The following RASL11B variants were observed in gnomAD, a reference collection of about 807,000 sequenced individuals.
RASL11B encodes the protein RAS like family 11 member B.
A neutral mutation model predicts 22.9 loss-of-function variants in RASL11B; 14 were observed. The observed-to-expected ratio is 0.61, with a 90% CI of 0.40 to 0.96. RASL11B has a LOEUF of 0.96. Among genes scored for constraint, RASL11B ranks in the 40% least tolerant of loss-of-function variants. The pLI is 0.00. For missense variants in RASL11B, 261 were observed against 322.0 expected (o/e 0.81, Z 1.45); for synonymous variants, 143 against 130.2 (o/e 1.10, Z -0.67).
rs371866499 is a variant in RASL11B at position 52,865,814 on chromosome 4, G to T, written c.*9G>T. On this transcript the variant is annotated 3_prime_UTR_variant, in exon 4 of 4. Coordinates refer to ENST00000248706, the MANE Select transcript of RASL11B (RefSeq NM_023940.3). ...CTGTCACCTCCGTCTGAAGCAGGAG[G>T]AGCACTCAAGGGGGTTTGGTCTTCC... The T allele has an allele frequency of 2.3e-3, 3,690 of 1,607,678 alleles. 6 individuals are homozygous for T. The highest frequency in any genetic ancestry group is 3.0e-3 in the Non-Finnish European group (3,486 of 1,175,350).
chr4:52,862,698 G>A, intron 1 of RASL11B, 49 bp downstream of exon 1: 2 of 1,490,016 alleles, frequency 1.3e-6, no homozygotes, highest in Non-Finnish European at 1.8e-6. Flanking sequence ...GACCCCTGAC[G>A]GGAGTTGAGG....
rs1718170142 is a variant in RASL11B, at chr4:52,862,342, G to C, written c.-166G>C. 1 of 682,614 alleles carries C rather than the reference G, an allele frequency of 1.5e-6. No individual in the cohort carries two copies. The highest frequency in any genetic ancestry group is 1.9e-5 in the African/African-American group (1 of 52,020). The allele number at this position is 682,614 out of a possible 1,614,324, so 42.3% of individuals were successfully genotyped here. ...AGTCTGGGTCTGGAGCCTGAGCCCTGCGGAACCTCGGCGCTCGGCCCCACC... is the reference window on the plus strand; with the variant it reads ...AGTCTGGGTCTGGAGCCTGAGCCCTCCGGAACCTCGGCGCTCGGCCCCACC... On this transcript the variant is annotated 5_prime_UTR_variant, in exon 1 of 4. Transcript: ENST00000248706.
At position 52,865,369 on chromosome 4, in the gene RASL11B, T is replaced by C. The variant is rs767767089; in HGVS notation, c.311T>C (p.Leu104Pro). 1 of 1,613,780 alleles carries C rather than the reference T, an allele frequency of 6.2e-7. No individual in the cohort carries two copies. Among genetic ancestry groups the C allele is most frequent in the Admixed American group, 1.7e-5 (1 of 60,024 alleles). Residue 104 changes from leucine (L) to proline (P), a missense_variant, in exon 4 of 4, where the codon CTG becomes CCG. By Grantham distance (98) the Leu-to-Pro change is moderately conservative. Transcript: ENST00000248706. ...AACAGCCTGAGCTGCAGTGAACAGC[T>C]GAATAGGTGCATTCGCTGGGCAGAT... is the stretch of plus-strand genomic sequence containing the variant. ...HENSLSCSEQ[L>P]NRCIRWADAV...
chr4:52,864,226 C>G (rs1384385630), intron 2 of RASL11B: 1 of 372,032 alleles, frequency 2.7e-6, no homozygotes, highest in Non-Finnish European at 4.8e-6. Flanking sequence ...AAAATGGAAA[C>G]TTTGTTTAAA....
rs1459220330 is a variant in RASL11B at position 52,862,376 on chromosome 4, A to G, written c.-132A>G. 1.7e-5 allele frequency: 8 copies of G among 461,414 alleles called. No homozygotes were observed. The highest frequency in any genetic ancestry group is 3.8e-5 in the South Asian group (1 of 26,540). The allele number at this position is 461,414 out of a possible 1,614,324, so 28.6% of individuals were successfully genotyped here. ...CGGCGCTCGGCCCCACCCCGCCCGT[A>G]CCTGCACTTATTTATTGTTGTTATT... On this transcript the variant is annotated 5_prime_UTR_variant, in exon 1 of 4. Transcript: ENST00000248706.
At chr4:52,864,388 A>G in intron 2 of RASL11B, 90 bp from the exon 3 acceptor site, 1 of 790,598 alleles carries the variant, frequency 1.3e-6, no homozygotes, top group South Asian at 1.6e-5. Flanking sequence ...GCATTTATGC[A>G]TTGTGCATTT....
chr4:52,862,916 C>T lies in RASL11B; in HGVS notation c.142+267C>T, dbSNP rs138752328. ...CCATCAGAACTTTGGGGTGTTTGAG[C>T]CTCTGGCAATGCCTGGCACAGAAAG... On this transcript the variant is annotated intron_variant, in intron 1 of 3. Transcript: ENST00000248706. Among the ~76,000 whole-genome samples, 447 of 152,304 alleles carry T rather than the reference C, an allele frequency of 2.9e-3. 1 individual carries two copies. Among genetic ancestry groups the T allele is most frequent in the Non-Finnish European group, 4.7e-3 (322 of 68,024 alleles).
In RASL11B at chr4:52,862,484, G is replaced by C. The variant is rs374622936; in HGVS notation, c.-24G>C. On this transcript the variant is annotated 5_prime_UTR_variant, in exon 1 of 4. Transcript: ENST00000248706. ...TTCTCCAGTCCCTCAGTCCCTTCCC[G>C]CGCGGTGCGCCGCAGCCGAGGCGAT... 38 of 1,597,930 alleles carry C rather than the reference G, an allele frequency of 2.4e-5. No homozygotes were observed. In the African/African-American group the frequency reaches 4.3e-4, roughly 18 times the overall value.
rs1206416406 is a variant in RASL11B at position 52,862,342 on chromosome 4, G to GCGGAACCTCGGCGCT, written c.-162_-148dup. 1 of 682,614 alleles carries GCGGAACCTCGGCGCT rather than the reference G, an allele frequency of 1.5e-6. No homozygotes were observed. Among genetic ancestry groups the GCGGAACCTCGGCGCT allele is most frequent in the Non-Finnish European group, 2.3e-6 (1 of 441,646 alleles). The allele number at this position is 682,614 out of a possible 1,614,324, so 42.3% of individuals were successfully genotyped here. A position where few individuals can be genotyped will look rare whatever the true frequency, so the allele number is the denominator to read the frequency against. The stretch of plus-strand genomic sequence containing the variant: ...AGTCTGGGTCTGGAGCCTGAGCCCT[G>GCGGAACCTCGGCGCT]CGGAACCTCGGCGCTCGGCCCCACC... On this transcript the variant is annotated 5_prime_UTR_variant, in exon 1 of 4. Transcript: ENST00000248706.
chr4:52,863,401 G>A (rs1354566068), intron 2 of RASL11B, 77 bp downstream of exon 2: 3 of 1,278,752 alleles, frequency 2.3e-6, no homozygotes, highest in Non-Finnish European at 3.4e-6. Flanking sequence ...GCTTCCCAGG[G>A]AGGTTCTTTC....
At position 52,865,350 on chromosome 4, in the gene RASL11B, C is replaced by G; in HGVS notation, c.292C>G (p.Leu98Val). ...TPGIQVHENS[L>V]SCSEQLNRCI... is the part of the protein sequence containing the mutation. ...TCTCTTTCAGGTCCATGAGAACAGC[C>G]TGAGCTGCAGTGAACAGCTGAATAG... The change falls in exon 4 of 4, where the codon CTG (leucine) becomes GTG (valine). Residue 98 changes from leucine to valine, a missense_variant. Transcript: ENST00000248706. 6.2e-7 allele frequency: 1 copy of G among 1,608,892 alleles called. No homozygotes were observed.
rs780844873 is a variant in RASL11B at position 52,866,189 on chromosome 4, A to T, written c.*384A>T. On this transcript the variant is annotated 3_prime_UTR_variant, in exon 4 of 4. Transcript: ENST00000248706. The stretch of plus-strand genomic sequence containing the variant: ...ATGAAAGAACAGATTAAGCATTGAT[A>T]GGCTTTCTTTTTTCCCCCTTTTTTC... 4 of 184,866 alleles carry T rather than the reference A, an allele frequency of 2.2e-5. No individual in the cohort carries two copies. The highest frequency in any genetic ancestry group is 4.5e-5 in the Non-Finnish European group (4 of 89,656). The allele number at this position is 184,866 out of a possible 1,614,324, so 11.5% of individuals were successfully genotyped here.
Position 52,865,796 on chromosome 4 carries a change from C to T in RASL11B, c.738C>T (p.Thr246=), listed in dbSNP as rs146441700. The change falls in exon 4 of 4, where the codon ACC becomes ACT. Residue 246 remains threonine (T), a synonymous_variant. Coordinates refer to ENST00000248706, the MANE Select transcript of RASL11B (RefSeq NM_023940.3). ...TCTCTGCCAAAGTGAGGACTGTCAC[C>T]TCCGTCTGAAGCAGGAGGAGCACTC... The part of the protein sequence containing the change: ...QALSAKVRTV[T]SV The T allele has an allele frequency of 1.2e-5, 19 of 1,613,080 alleles. No individual in the cohort carries two copies. In the African/African-American group the frequency reaches 2.4e-4, roughly 20 times the overall value.
Position 52,865,965 on chromosome 4 carries a change from T to G in RASL11B, c.*160T>G, listed in dbSNP as rs1257237216. ...TGGAACTGCTACAGAAAAGGAAGTGTTGTTCTGAGCAGGGGGACAGGATTG... is the reference window on the plus strand; with the variant it reads ...TGGAACTGCTACAGAAAAGGAAGTGGTGTTCTGAGCAGGGGGACAGGATTG... On this transcript the variant is annotated 3_prime_UTR_variant, in exon 4 of 4. Transcript: ENST00000248706. 3 of 623,760 alleles carry G rather than the reference T, an allele frequency of 4.8e-6. No individual in the cohort carries two copies. Among genetic ancestry groups the G allele is most frequent in the African/African-American group, 3.7e-5 (2 of 54,222 alleles). The allele number at this position is 623,760 out of a possible 1,614,324, so 38.6% of individuals were successfully genotyped here. A position where few individuals can be genotyped will look rare whatever the true frequency, so the allele number is the denominator to read the frequency against.
chr4:52,864,953 G>A (rs1014757924), intron 3 of RASL11B, among the ~76,000 whole-genome samples: 2 of 152,160 alleles, frequency 1.3e-5, no homozygotes, highest in Non-Finnish European at 1.5e-5. Flanking sequence ...AGACAAAAGC[G>A]CCATGCTAGG....
At chr4:52,864,221 G>T in intron 2 of RASL11B, 1 of 364,670 alleles carries the variant, frequency 2.7e-6, no homozygotes, top group South Asian at 4.5e-5. Flanking sequence ...CTCTAAAAAT[G>T]GAAACTTTGT....
Position 52,865,623 on chromosome 4 carries a change from G to A in RASL11B, c.565G>A (p.Asp189Asn), listed in dbSNP as rs761547717. ...AGTGTCTGTCAGTGAAAATTATAAT[G>A]ATGTCTACAGCGCCTTCCACGTCCT... Reference protein sequence around the residue: ...YEVSVSENYNDVYSAFHVLCK... With the variant: ...YEVSVSENYNNVYSAFHVLCK... Residue 189 changes from aspartate (D) to asparagine (N), a missense_variant, in exon 4 of 4, where the codon GAT (aspartate) becomes AAT (asparagine). Coordinates refer to ENST00000248706, the MANE Select transcript of RASL11B (RefSeq NM_023940.3). The A allele has an allele frequency of 6.2e-7, 1 of 1,614,160 alleles. No homozygotes were observed. The highest frequency in any genetic ancestry group is 1.1e-5 in the South Asian group (1 of 91,086).
In RASL11B at chr4:52,866,798, A is replaced by T. The variant is rs1718269893; in HGVS notation, c.*993A>T. 6.6e-6 allele frequency: 1 copy of T among 152,662 alleles called. No homozygotes were observed. Among genetic ancestry groups the T allele is most frequent in the Non-Finnish European group, 1.5e-5 (1 of 68,044 alleles). The allele number at this position is 152,662 out of a possible 1,614,324, so 9.5% of individuals were successfully genotyped here. The stretch of plus-strand genomic sequence containing the variant: ...TCATGCTTTGGCTTAAACTGTAATT[A>T]ATTTATTTTATGTACAATAAATCGC... On this transcript the variant is annotated 3_prime_UTR_variant, in exon 4 of 4. Transcript: ENST00000248706.
chr4:52,862,599 G>A lies in RASL11B; in HGVS notation c.92G>A (p.Arg31His), dbSNP rs1193677031. The A allele has an allele frequency of 3.8e-6, 6 of 1,598,336 alleles. No individual in the cohort carries two copies. Among genetic ancestry groups the A allele is most frequent in the Admixed American group, 3.4e-5 (2 of 59,232 alleles). Reference protein sequence around the residue: ...ASDCCVGAAGRRLVKIAVVGA... With the variant: ...ASDCCVGAAGHRLVKIAVVGA... Reference sequence around the variant, plus strand: ...GACTGCTGTGTGGGCGCCGCCGGCCGCCGCCTGGTCAAGATCGCCGTGGTG... The same window carrying A: ...GACTGCTGTGTGGGCGCCGCCGGCCACCGCCTGGTCAAGATCGCCGTGGTG... The change falls in exon 1 of 4, where the codon CGC (arginine) becomes CAC (histidine). Residue 31 changes from arginine (R) to histidine (H), a missense_variant. Coordinates refer to ENST00000248706, the MANE Select transcript of RASL11B (RefSeq NM_023940.3).
Sources: gnomAD v4.1 joint callset for allele counts (sites outside exome capture counted in the v4.1 genomes callset) on GRCh38, gnomAD v4.1.1 for gene constraint, MANE v1.5 for transcripts, NCBI Gene and HGNC (gene_info 2026-07-23, HGNC 2026-07-21) for gene names.